The following GABRB2 variants were observed in gnomAD, a reference collection of about 807,000 sequenced individuals.
GABRB2 encodes the protein gamma-aminobutyric acid receptor subunit beta-2.
In GABRB2, 16 loss-of-function variants were observed where a neutral mutation model predicts 54.7. The ratio of observed to expected loss-of-function variants is 0.29; its 90% CI spans 0.20 to 0.44. The LOEUF is 0.44. Ranked by LOEUF, GABRB2 falls within the 20% of genes least tolerant of loss-of-function variation. GABRB2 has a pLI of 1.00. For synonymous variants in GABRB2, 244 were observed against 233.8 expected, an observed-to-expected ratio of 1.04 and a Z score of -0.40; for missense variants, 355 against 644.0, an observed-to-expected ratio of 0.55 and a Z score of 4.86.
intron 9 of GABRB2, among the ~76,000 whole-genome samples, chr5:161,296,869 T>C (rs1757394771): frequency 6.6e-6 from 1 of 152,190 alleles, no homozygotes; most frequent in Admixed American, 6.6e-5. Flanking sequence ...ACCTAATCCT[T>C]TCAATCTAGT....
chr5:161,299,543 G>A (rs1186918428), intron 9 of GABRB2, among the ~76,000 whole-genome samples: 2 of 152,120 alleles, frequency 1.3e-5, no homozygotes, highest in Non-Finnish European at 2.9e-5. Context: ...ATGGTGCCTT[G>A]TGTCTATATC....
chr5:161,493,944 C>T (rs1175787453), intron 3 of GABRB2, among the ~76,000 whole-genome samples: 6 of 151,750 alleles, frequency 4.0e-5, no homozygotes, highest in Non-Finnish European at 8.9e-5. Context: ...GAAGTAATTA[C>T]ATATGTTAAG....
chr5:161,429,864 G>T (rs144278542), intron 4 of GABRB2, among the ~76,000 whole-genome samples: 1 of 152,210 alleles, frequency 6.6e-6, no homozygotes, highest in East Asian at 1.9e-4. Flanking sequence ...GTGAACTACA[G>T]AAAACCCTCC....
At chr5:161,431,019 T>A (rs1278438224) in intron 4 of GABRB2, among the ~76,000 whole-genome samples, 1 of 152,164 alleles carries the variant, frequency 6.6e-6, no homozygotes, top group East Asian at 1.9e-4. Context: ...GATTTACAAT[T>A]GTGTCTCCAA....
In GABRB2 at chr5:161,506,070, C is replaced by G. The variant is rs184379193; in HGVS notation, c.237+39157G>C. 6.2e-3 allele frequency among the ~76,000 whole-genome samples: 947 copies of G among 151,902 alleles called. 11 individuals are homozygous for G. The highest frequency in any genetic ancestry group is 0.021 in the African/African-American group (864 of 41,444). ...TATATGTATATATAACCTAATGAAT[C>G]TACATACAAAAGTACTAGGATTAAT... On this transcript the variant is annotated intron_variant, in intron 3 of 9. Coordinates refer to ENST00000393959, the MANE Select transcript of GABRB2 (RefSeq NM_001371727.1).
chr5:161,499,860 T>G (rs922715819), intron 3 of GABRB2, among the ~76,000 whole-genome samples: 2 of 151,806 alleles, frequency 1.3e-5, no homozygotes, highest in African/African-American at 2.4e-5. Flanking sequence ...TATTAATAAT[T>G]TTTTTTTAGA....
At chr5:161,396,092 G>A (rs1206981971) in intron 5 of GABRB2, among the ~76,000 whole-genome samples, 1 of 152,074 alleles carries the variant, frequency 6.6e-6, no homozygotes, top group Admixed American at 6.6e-5. Context: ...GTGGCATATT[G>A]TGCTTCAGAA....
At chr5:161,353,837 A>G (rs1754540911) in intron 5 of GABRB2, among the ~76,000 whole-genome samples, 1 of 152,008 alleles carries the variant, frequency 6.6e-6, no homozygotes, top group African/African-American at 2.4e-5. Context: ...GCAAAACAAA[A>G]AACCTAAAGT....
At chr5:161,437,314 G>A (rs1039313525) in intron 4 of GABRB2, among the ~76,000 whole-genome samples, 1 of 151,984 alleles carries the variant, frequency 6.6e-6, no homozygotes, top group African/African-American at 2.4e-5. Flanking sequence ...CCCAGCCACA[G>A]CAGGATAGGC....
Position 161,334,837 on chromosome 5 carries a change from T to A in GABRB2, c.747A>T (p.Thr249=), listed in dbSNP as rs145570974. Residue 249 remains threonine (T), a synonymous_variant, in exon 7 of 10, where the codon ACA becomes ACT. Transcript: ENST00000393959. ...TGGTAATCAGGATGGAAGGCATGTA[T>A]GTTTGCAGGATAAAGTAGCCAATGT... The part of the protein sequence containing the change: ...KRNIGYFILQ[T]YMPSILITIL... The A allele has an allele frequency of 1.1e-3, 1,837 of 1,614,034 alleles. 2 individuals carry two copies. The highest frequency in any genetic ancestry group is 1.9e-3 in the Admixed American group (115 of 60,030).
In GABRB2 at chr5:161,545,266, A is replaced by G; in HGVS notation, c.198T>C (p.Ile66=). Residue 66 remains isoleucine, a synonymous_variant, in exon 3 of 10, where the codon ATT becomes ATC. Coordinates refer to ENST00000393959, the MANE Select transcript of GABRB2 (RefSeq NM_001371727.1). ...AAACCATATCGATGCTGGCAATGTC[A>G]ATGTTCATCCCCACAGCCACGGGGG... is the stretch of plus-strand genomic sequence containing the variant. ...GGPPVAVGMN[I]DIASIDMVSE... is the part of the protein sequence containing the mutation. The G allele has an allele frequency of 6.2e-7, 1 of 1,608,858 alleles. No individual in the cohort carries two copies. Among genetic ancestry groups the G allele is most frequent in the Non-Finnish European group, 8.5e-7 (1 of 1,178,032 alleles).
chr5:161,525,209 G>T (rs1024362782), intron 3 of GABRB2, among the ~76,000 whole-genome samples: 9 of 151,164 alleles, frequency 6.0e-5, no homozygotes, highest in African/African-American at 1.9e-4. Context: ...CAGTCACCTG[G>T]TCAGATCTGG....
chr5:161,533,714 T>C (rs1760538925), intron 3 of GABRB2, among the ~76,000 whole-genome samples: 1 of 152,142 alleles, frequency 6.6e-6, no homozygotes, highest in South Asian at 2.1e-4. Flanking sequence ...TAAAATGTAA[T>C]TATCAATGTG....
intron 4 of GABRB2, among the ~76,000 whole-genome samples, chr5:161,445,850 A>T (rs913111951): frequency 6.6e-6 from 1 of 152,112 alleles, no homozygotes; most frequent in African/African-American, 2.4e-5. Context: ...TGAAAACCAA[A>T]TAGTGTCTTG....
chr5:161,327,290 G>A (rs567440717), intron 8 of GABRB2, among the ~76,000 whole-genome samples: 1 of 152,276 alleles, frequency 6.6e-6, no homozygotes, highest in South Asian at 2.1e-4. Context: ...TCATGTGCAG[G>A]TAGCTGGGAT....
At chr5:161,492,719 T>C (rs1295725282) in intron 3 of GABRB2, among the ~76,000 whole-genome samples, 1 of 151,644 alleles carries the variant, frequency 6.6e-6, no homozygotes, top group Admixed American at 6.6e-5. Flanking sequence ...CAGTTTTACA[T>C]CTACACCACA....
intron 3 of GABRB2, among the ~76,000 whole-genome samples, chr5:161,517,077 A>G (rs371191992): frequency 1.3e-5 from 2 of 152,080 alleles, no homozygotes; most frequent in Admixed American, 6.6e-5. Context: ...GGGATTTCCT[A>G]TGGTTTGAAT....
At chr5:161,503,770 T>C (rs536639999) in intron 3 of GABRB2, among the ~76,000 whole-genome samples, 3 of 149,538 alleles carry the variant, frequency 2.0e-5, no homozygotes, top group South Asian at 2.1e-4. Flanking sequence ...CAGACAGAGA[T>C]TGTCAAACTG....
At chr5:161,334,398 GA>G (rs1249869114) in intron 7 of GABRB2, among the ~76,000 whole-genome samples, 3 of 151,922 alleles carry the variant, frequency 2.0e-5, no homozygotes, top group Admixed American at 1.3e-4. Context: ...CTTTCATGGA[GA>G]AAAAAACGTA....
Sources: allele counts gnomAD v4.1 joint callset (sites outside exome capture counted in the v4.1 genomes callset), GRCh38; gene constraint gnomAD v4.1.1; transcripts MANE v1.5; gene names NCBI Gene and HGNC (gene_info 2026-07-23, HGNC 2026-07-21).